The following ALDH7A1 variants were observed in gnomAD, a reference collection of about 807,000 sequenced individuals.
ALDH7A1 encodes aldehyde dehydrogenase 7 family member A1.
ALDH7A1 carries 63 observed loss-of-function variants against 79.9 expected under a neutral mutation model. The ratio of observed to expected loss-of-function variants is 0.79; its 90% confidence interval spans 0.64 to 0.97. The LOEUF (loss-of-function observed/expected upper bound fraction) is 0.97. ALDH7A1 is among the 50% of genes least tolerant of loss of function. The probability of loss-of-function intolerance (pLI) is 0.00; values close to 1 mark genes in which losing one functional copy is unlikely to be tolerated. For synonymous variants in ALDH7A1, 240 were observed against 231.2 expected, an observed-to-expected ratio of 1.04 and a Z score of -0.34; for missense variants, 627 against 665.2, an observed-to-expected ratio of 0.94 and a Z score of 0.63.
Position 126,592,659 on chromosome 5 carries a change from C to T in ALDH7A1, c.312+5G>A, listed in dbSNP as rs372779292. ...CTGAATTCTAGAAACAAAGGCCATA[C>T]TTACATCTGCCCAGATTTTCCATGC... On this transcript the variant is annotated splice_donor_5th_base_variant and intron_variant, in intron 3 of 17. Coordinates refer to ENST00000409134, the MANE Select transcript of ALDH7A1 (RefSeq NM_001182.5). 1 of 1,613,498 alleles carries T rather than the reference C, an allele frequency of 6.2e-7. No individual in the cohort carries two copies. Among genetic ancestry groups the T allele is most frequent in the Non-Finnish European group, 8.5e-7 (1 of 1,179,464 alleles).
In ALDH7A1 at chr5:126,568,318, G is replaced by C. The variant is rs1450375365; in HGVS notation, c.812C>G (p.Ser271Cys). Residue 271 changes from serine (S) to cysteine (C), a missense_variant, in exon 9 of 18, where the codon TCC becomes TGC. Physicochemically the swap from Ser to Cys is moderately radical, Grantham distance 112. Transcript: ENST00000409134. Reference protein sequence around the residue: ...MAKDERVNLLSFTGSTQVGKQ... With the variant: ...MAKDERVNLLCFTGSTQVGKQ... ...TCCCACCTGAGTGCTCCCAGTGAAG[G>C]ACAGCAGGTTCACTCGTTCATCTTT... 2 of 1,614,142 alleles carry C rather than the reference G, an allele frequency of 1.2e-6. No homozygotes were observed. Among genetic ancestry groups the C allele is most frequent in the African/African-American group, 1.3e-5 (1 of 75,038 alleles).
At position 126,592,822 on chromosome 5, in the gene ALDH7A1, G is replaced by A. The variant is rs76233647; in HGVS notation, c.247-93C>T. 103 of 1,268,500 alleles carry A rather than the reference G, an allele frequency of 8.1e-5. No homozygotes were observed. In the East Asian group the frequency reaches 2.2e-3, roughly 28 times the overall value. The allele number at this position is 1,268,500 out of a possible 1,614,324, so 78.6% of individuals were successfully genotyped here. On this transcript the variant is annotated intron_variant, in intron 2 of 17. Coordinates refer to ENST00000409134, the MANE Select transcript of ALDH7A1 (RefSeq NM_001182.5). The stretch of plus-strand genomic sequence containing the variant: ...AAAAATATTTTCAGAAAAGAGTTGG[G>A]AAATCTCTAGGGTTCCCTAACATTT...
chr5:126,580,000 G>A (rs1280331902), intron 5 of ALDH7A1: 1 of 128,278 alleles, frequency 7.8e-6, no homozygotes, highest in Admixed American at 8.1e-5. Flanking sequence ...AATTTTAATT[G>A]TTAATTGTGA....
At chr5:126,570,977 T>C in intron 7 of ALDH7A1, 118 bp from the exon 8 acceptor site, 2 of 944,804 alleles carry the variant, frequency 2.1e-6, no homozygotes, top group South Asian at 1.3e-5. Context: ...CCCTCAAATA[T>C]ACTACTCTCT....
intron 12 of ALDH7A1, 90 bp downstream of exon 12, chr5:126,555,841 G>T: frequency 9.2e-7 from 1 of 1,083,886 alleles, no homozygotes; most frequent in South Asian, 1.3e-5. Flanking sequence ...TCTCAGGAAA[G>T]GGAAAGAAAC....
At position 126,556,336 on chromosome 5, in the gene ALDH7A1, G is replaced by A. The variant is rs566154903; in HGVS notation, c.1009-321C>T. Reference sequence around the variant, plus strand: ...CAGCTCACTGCAACCTCCACTTCCCGGGTTCAAGCGATTCTTATACCTCAG... The same window carrying A: ...CAGCTCACTGCAACCTCCACTTCCCAGGTTCAAGCGATTCTTATACCTCAG... On this transcript the variant is annotated intron_variant, in intron 11 of 17. Transcript: ENST00000409134. Among the ~76,000 whole-genome samples the A allele has an allele frequency of 2.9e-4, 41 of 139,504 alleles. 2 individuals carry two copies. The South Asian group carries it at 8.4e-3, about 29-fold the overall frequency. The allele number at this position is 139,504 out of a possible 152,430, so 91.5% of individuals were successfully genotyped here. A position where few individuals can be genotyped will look rare whatever the true frequency, so the allele number is the denominator to read the frequency against.
At chr5:126,581,912 A>T in intron 5 of ALDH7A1, 1 of 325,818 alleles carries the variant, frequency 3.1e-6, no homozygotes. Context: ...CGGGAGGTGG[A>T]GGTTGCAGTG....
rs905495939 is a variant in ALDH7A1 at position 126,550,014 on chromosome 5, G to C, written c.1416-12C>G. 1 of 1,612,974 alleles carries C rather than the reference G, an allele frequency of 6.2e-7. No individual in the cohort carries two copies. Among genetic ancestry groups the C allele is most frequent in the South Asian group, 1.1e-5 (1 of 91,052 alleles). On this transcript the variant is annotated splice_polypyrimidine_tract_variant and intron_variant, in intron 15 of 17. Transcript: ENST00000409134. ...CTGATCCTTTAGGTCTGTGTAAAAA[G>C]GGAGGCATGGTGAGAGCAATGAACA...
At chr5:126,555,886 A>G (rs773510079) in intron 12 of ALDH7A1, 45 bp downstream of exon 12, 50 of 1,445,414 alleles carry the variant, frequency 3.5e-5, no homozygotes, top group Non-Finnish European at 4.6e-5. Context: ...TGTTAACAAC[A>G]GCTCTCAAAA....
At chr5:126,568,142 A>T (rs1227495123) in intron 9 of ALDH7A1, 117 bp downstream of exon 9, 1 of 946,522 alleles carries the variant, frequency 1.1e-6, no homozygotes, top group Non-Finnish European at 1.7e-6. Flanking sequence ...TAGACATTCA[A>T]ATAAACATGA....
intron 13 of ALDH7A1, among the ~76,000 whole-genome samples, chr5:126,554,061 T>C (rs1430093622): frequency 1.3e-5 from 2 of 150,556 alleles, no homozygotes; most frequent in East Asian, 3.9e-4. Flanking sequence ...TGAGCCAAGA[T>C]TGCGCCACTG....
At position 126,555,978 on chromosome 5, in the gene ALDH7A1, C is replaced by T; in HGVS notation, c.1046G>A (p.Arg349Lys). ...HESIHDEVVNRLKKAYAQIRV... is the reference protein window; with the variant it reads ...HESIHDEVVNKLKKAYAQIRV... ...GATCTGTGCATAGGCCTTTTTAAGT[C>T]TGTTTACAACCTCATCATGGATGCT... Residue 349 changes from arginine to lysine, a missense_variant, in exon 12 of 18, where the codon AGA (arginine) becomes AAA (lysine). Coordinates refer to ENST00000409134, the MANE Select transcript of ALDH7A1 (RefSeq NM_001182.5). 3 of 1,613,584 alleles carry T rather than the reference C, an allele frequency of 1.9e-6. No individual in the cohort carries two copies. Among genetic ancestry groups the T allele is most frequent in the Non-Finnish European group, 2.5e-6 (3 of 1,179,708 alleles).
rs180782558 is a variant in ALDH7A1 at position 126,585,493 on chromosome 5, C to G, written c.313-1481G>C. Among the ~76,000 whole-genome samples the G allele has an allele frequency of 3.2e-4, 49 of 152,300 alleles. 1 individual carries two copies. Among genetic ancestry groups the G allele is most frequent in the African/African-American group, 1.2e-3 (49 of 41,578 alleles). On this transcript the variant is annotated intron_variant, in intron 3 of 17. Coordinates refer to ENST00000409134, the MANE Select transcript of ALDH7A1 (RefSeq NM_001182.5). ...CTTCTCCCCAAGTGTATCACTGTCT[C>G]TTAGTACAGCTTCTCTGGATGGTCA... is the stretch of plus-strand genomic sequence containing the variant.
In ALDH7A1 at chr5:126,541,855, T is replaced by C. The variant is rs546222411; in HGVS notation, c.*3110A>G. On this transcript the variant is annotated 3_prime_UTR_variant, in exon 18 of 18. Coordinates refer to ENST00000409134, the MANE Select transcript of ALDH7A1 (RefSeq NM_001182.5). ...CAATTGTCTAATTGGAGTTGAGGAA[T>C]TATTTTTATTTTTAAAAGGGAAATT... is the stretch of plus-strand genomic sequence containing the variant. 1 of 152,274 alleles carries C rather than the reference T, an allele frequency of 6.6e-6. No homozygotes were observed. Among genetic ancestry groups the C allele is most frequent in the Non-Finnish European group, 1.5e-5 (1 of 68,032 alleles). 9.4% of individuals were successfully genotyped at this position (152,274 alleles called of 1,614,324 possible).
chr5:126,568,513 G>A, intron 8 of ALDH7A1, 157 bp from the exon 9 acceptor site: 1 of 698,746 alleles, frequency 1.4e-6, no homozygotes. Flanking sequence ...TCATGAGAAG[G>A]AAAAAAGTTT....
intron 3 of ALDH7A1, chr5:126,587,157 G>A (rs1202476083): frequency 6.6e-6 from 1 of 152,146 alleles, no homozygotes; most frequent in Non-Finnish European, 1.5e-5. Flanking sequence ...TCTCACCAGA[G>A]ATGGGAGGGA....
At chr5:126,553,467 A>G (rs1314427392) in intron 13 of ALDH7A1, 1 of 152,266 alleles carries the variant, frequency 6.6e-6, no homozygotes, top group Non-Finnish European at 1.5e-5. Flanking sequence ...TAATCCCAGC[A>G]CTTTGGGAGG....
chr5:126,545,526 C>T (rs1420274933), intron 17 of ALDH7A1, among the ~76,000 whole-genome samples: 2 of 145,270 alleles, frequency 1.4e-5, no homozygotes, highest in East Asian at 4.4e-4. Flanking sequence ...GCCTCCTGAA[C>T]TGCTTGGATT....
intron 8 of ALDH7A1, 23 bp from the exon 9 acceptor site, chr5:126,568,379 G>C: frequency 1.2e-6 from 2 of 1,603,462 alleles, no homozygotes; most frequent in Non-Finnish European, 1.7e-6. Flanking sequence ...AGACACGGTC[G>C]GCCACCCAAG....
Sources: gnomAD v4.1 joint callset for allele counts (sites outside exome capture counted in the v4.1 genomes callset) on GRCh38, gnomAD v4.1.1 for gene constraint, MANE v1.5 for transcripts, NCBI Gene and HGNC (gene_info 2026-07-23, HGNC 2026-07-21) for gene names.